MYRIP: variants seen among roughly 807,000 people sequenced by gnomAD.
MYRIP encodes myosin VIIA and Rab interacting protein, also known as rab effector MyRIP.
MYRIP carries 49 observed loss-of-function variants against 98.0 expected under a neutral mutation model. That is an observed-to-expected ratio of 0.50 (90% CI 0.40 to 0.63). MYRIP has a LOEUF of 0.63. MYRIP is among the 30% of genes least tolerant of loss of function. The pLI is 0.00. For synonymous variants in MYRIP, 404 were observed against 409.5 expected (o/e 0.99, Z 0.16); for missense variants, 1,004 against 1,058.2 (o/e 0.95, Z 0.71).
intron 3 of MYRIP, among the ~76,000 whole-genome samples, chr3:40,098,740 TTGTGTGTGTGTGTGTGTG>T (rs3063561): frequency 2.2e-5 from 3 of 135,188 alleles, no homozygotes; most frequent in East Asian, 2.2e-4. Flanking sequence ...GTCTCTCTCA[TTGTGTGTGTGTGTGTGTG>T]TGTGTGTGTG....
At chr3:39,998,607 G>A (rs555896269) in intron 2 of MYRIP, among the ~76,000 whole-genome samples, 263 of 152,218 alleles carry the variant, frequency 1.7e-3, no homozygotes, top group African/African-American at 5.9e-3. Flanking sequence ...TACTGCCCAA[G>A]GTAATTTACA....
At chr3:40,067,629 A>G (rs1344532555) in intron 3 of MYRIP, among the ~76,000 whole-genome samples, 1 of 152,172 alleles carries the variant, frequency 6.6e-6, no homozygotes, top group Non-Finnish European at 1.5e-5. Flanking sequence ...TGTACTCAGA[A>G]TGAAGGATAG....
intron 1 of MYRIP, among the ~76,000 whole-genome samples, chr3:39,826,620 A>G (rs13086602): frequency 0.2 from 29,972 of 152,046 alleles, 3,062 homozygotes; most frequent in South Asian, 0.29. Flanking sequence ...AAGAACATGC[A>G]GCTGTTGGGT....
intron 2 of MYRIP, among the ~76,000 whole-genome samples, chr3:39,922,766 A>G (rs1944333302): frequency 6.6e-6 from 1 of 152,220 alleles, no homozygotes; most frequent in African/African-American, 2.4e-5. Flanking sequence ...GAGTTTCAGA[A>G]CATAATACAA....
intron 2 of MYRIP, among the ~76,000 whole-genome samples, chr3:40,017,254 T>C (rs923640387): frequency 6.6e-6 from 1 of 152,244 alleles, no homozygotes; most frequent in African/African-American, 2.4e-5. Context: ...CCAGTGTATC[T>C]AGATGTGCCC....
intron 2 of MYRIP, among the ~76,000 whole-genome samples, chr3:39,916,471 C>A (rs910888122): frequency 1.3e-5 from 2 of 151,388 alleles, no homozygotes; most frequent in Non-Finnish European, 2.9e-5. Context: ...AAAATAGATA[C>A]CCCCCAAACA....
chr3:40,038,097 G>A (rs1254818485), intron 2 of MYRIP, among the ~76,000 whole-genome samples: 2 of 150,532 alleles, frequency 1.3e-5, no homozygotes, highest in African/African-American at 4.9e-5. Flanking sequence ...GAATACCAAG[G>A]AATTTATTTG....
chr3:39,868,085 G>A (rs1010162288), intron 1 of MYRIP, among the ~76,000 whole-genome samples: 3 of 152,110 alleles, frequency 2.0e-5, no homozygotes, highest in Non-Finnish European at 2.9e-5. Flanking sequence ...AGATAAGGAG[G>A]GACCCTAGAA....
chr3:40,087,984 G>T (rs1195879683), intron 3 of MYRIP, among the ~76,000 whole-genome samples: 2 of 152,176 alleles, frequency 1.3e-5, no homozygotes, highest in African/African-American at 4.8e-5. Flanking sequence ...GCTATAAAAA[G>T]GAGAGGGAGC....
At chr3:40,128,355 G>A (rs1407892836) in intron 3 of MYRIP, among the ~76,000 whole-genome samples, 1 of 152,228 alleles carries the variant, frequency 6.6e-6, no homozygotes, top group East Asian at 1.9e-4. Flanking sequence ...CTACAGTCCA[G>A]TGGTGGTGAT....
chr3:40,197,746 G>T (rs2125641440), intron 10 of MYRIP, among the ~76,000 whole-genome samples: 1 of 152,242 alleles, frequency 6.6e-6, no homozygotes, highest in South Asian at 2.1e-4. Flanking sequence ...CTGTGTCCTG[G>T]TTGTTAGTAA....
chr3:39,988,354 C>T (rs1946087580), intron 2 of MYRIP, among the ~76,000 whole-genome samples: 1 of 152,026 alleles, frequency 6.6e-6, no homozygotes, highest in African/African-American at 2.4e-5. Context: ...CCACTCTCTT[C>T]TGGCTTGTGG....
intron 10 of MYRIP, among the ~76,000 whole-genome samples, chr3:40,197,431 T>C (rs1230619718): frequency 6.6e-6 from 1 of 152,080 alleles, no homozygotes; most frequent in East Asian, 1.9e-4. Context: ...CTGAACACAC[T>C]CTTCTGTCCT....
chr3:39,824,228 A>G (rs1941200819), intron 1 of MYRIP, among the ~76,000 whole-genome samples: 1 of 152,058 alleles, frequency 6.6e-6, no homozygotes, highest in East Asian at 1.9e-4. Flanking sequence ...TTTTTATGGC[A>G]ATATTATGCT....
At chr3:39,994,934 G>C (rs1264011177) in intron 2 of MYRIP, among the ~76,000 whole-genome samples, 3 of 152,316 alleles carry the variant, frequency 2.0e-5, no homozygotes, top group African/African-American at 7.2e-5. Flanking sequence ...ACAGGGTCTG[G>C]AGTGGACCTC....
intron 2 of MYRIP, among the ~76,000 whole-genome samples, chr3:39,994,189 G>C (rs1946271719): frequency 6.6e-6 from 1 of 152,202 alleles, no homozygotes; most frequent in Non-Finnish European, 1.5e-5. Context: ...CGGACAGTGG[G>C]TGCAGGACAG....
At chr3:40,135,990 A>G (rs1949756713) in intron 3 of MYRIP, among the ~76,000 whole-genome samples, 2 of 152,244 alleles carry the variant, frequency 1.3e-5, no homozygotes, top group South Asian at 4.1e-4. Context: ...GAGCAAAATA[A>G]CAAGCTAACA....
Position 40,182,486 on chromosome 3 carries a change from G to A in MYRIP, c.1027+113G>A, listed in dbSNP as rs926456638. On this transcript the variant is annotated intron_variant, in intron 9 of 16. Coordinates refer to ENST00000302541, the MANE Select transcript of MYRIP (RefSeq NM_015460.4). ...CTTCTTCCCATAAGTCTGAACTGGT[G>A]TGTGTCCCTCTGGGCTACCAAGTCA... 1.0e-5 allele frequency: 13 copies of A among 1,251,896 alleles called. No homozygotes were observed. In the Admixed American group the frequency reaches 1.7e-4, roughly 17 times the overall value. The allele number at this position is 1,251,896 out of a possible 1,614,324, so 77.5% of individuals were successfully genotyped here.
intron 11 of MYRIP, among the ~76,000 whole-genome samples, chr3:40,220,535 A>G (rs1233249714): frequency 1.3e-5 from 2 of 152,242 alleles, no homozygotes; most frequent in East Asian, 3.8e-4. Context: ...AATCAAAACC[A>G]TAAAATTAAA....
Sources: allele counts gnomAD v4.1 joint callset (sites outside exome capture counted in the v4.1 genomes callset), GRCh38; gene constraint gnomAD v4.1.1; transcripts MANE v1.5; gene names NCBI Gene and HGNC (gene_info 2026-07-23, HGNC 2026-07-21).